SLCO4A1: variants seen among roughly 807,000 people sequenced by gnomAD.
The protein encoded by SLCO4A1 is colon organic anion transporter.
A neutral mutation model predicts 64.6 loss-of-function variants in SLCO4A1; 51 were observed. That is an observed-to-expected ratio of 0.79 (90% CI 0.63 to 1.00). The LOEUF is 1.00. Ranked by LOEUF, SLCO4A1 falls within the 50% of genes least tolerant of loss-of-function variation. SLCO4A1 has a pLI of 0.00. For synonymous variants in SLCO4A1, 471 were observed against 444.9 expected, an observed-to-expected ratio of 1.06 and a Z score of -0.74; for missense variants, 919 against 980.5, an observed-to-expected ratio of 0.94 and a Z score of 0.84.
In SLCO4A1 at chr20:62,661,213, G is replaced by A; in HGVS notation, c.1121+38G>A. 6.9e-7 allele frequency: 1 copy of A among 1,443,074 alleles called. No homozygotes were observed. The highest frequency in any genetic ancestry group is 9.8e-7 in the Non-Finnish European group (1 of 1,025,384). The allele number at this position is 1,443,074 out of a possible 1,614,324, so 89.4% of individuals were successfully genotyped here. On this transcript the variant is annotated intron_variant, in intron 5 of 11. Coordinates refer to ENST00000217159, the MANE Select transcript of SLCO4A1 (RefSeq NM_016354.4). The surrounding 1 kb of genome is among the most constrained non-coding windows in gnomAD (Gnocchi z 5.2). ...GTCGGGAGGGTTCCTAGTGTCCTCA[G>A]ACCCTTTAATGGTCCCCATCTTGGG...
intron 5 of SLCO4A1, among the ~76,000 whole-genome samples, chr20:62,664,392 T>G (rs928511348): frequency 6.6e-6 from 1 of 152,300 alleles, no homozygotes; most frequent in Non-Finnish European, 1.5e-5. Flanking sequence ...GGTTGGGGAC[T>G]GGCCACAGTC....
At chr20:62,677,565 G>A (rs1489242100) in intron 2 of SLCO4A1, among the ~76,000 whole-genome samples, 1 of 152,136 alleles carries the variant, frequency 6.6e-6, no homozygotes, top group Non-Finnish European at 1.5e-5. Context: ...CAACCCCACT[G>A]AGCAGAGGAT....
intron 1 of SLCO4A1, among the ~76,000 whole-genome samples, chr20:62,653,322 G>A (rs957585303): frequency 1.7e-4 from 26 of 152,156 alleles, no homozygotes; most frequent in African/African-American, 5.6e-4. Context: ...TGCTGGTACC[G>A]CCAGATCTCT....
chr20:62,675,020 G>A (rs900926325), downstream of SLCO4A1, among the ~76,000 whole-genome samples: 23 of 152,290 alleles, frequency 1.5e-4, no homozygotes, highest in Non-Finnish European at 2.9e-4. Flanking sequence ...TCCGGTCTGG[G>A]GGCTCCAAGG....
intron 5 of SLCO4A1, among the ~76,000 whole-genome samples, chr20:62,663,779 G>A (rs747394112): frequency 5.3e-5 from 8 of 152,204 alleles, no homozygotes; most frequent in Non-Finnish European, 1.2e-4. Flanking sequence ...CCCAGTCTGG[G>A]TGATCTGTGT....
rs1273945451 is a variant in SLCO4A1 at position 62,664,604 on chromosome 20, C to T, written c.1122-330C>T. Among the ~76,000 whole-genome samples the T allele has an allele frequency of 3.3e-5, 5 of 152,318 alleles. No individual in the cohort carries two copies. The East Asian group carries it at 7.7e-4, about 24-fold the overall frequency. On this transcript the variant is annotated intron_variant, in intron 5 of 11. Coordinates refer to ENST00000217159, the MANE Select transcript of SLCO4A1 (RefSeq NM_016354.4). ...GATAAGGTTTTTCCCTAATCAGGGACTGCAGCTTTCAGGACAAGTGGGCCA... is the reference window on the plus strand; with the variant it reads ...GATAAGGTTTTTCCCTAATCAGGGATTGCAGCTTTCAGGACAAGTGGGCCA...
chr20:62,673,750 C>CT (rs1987445208), downstream of SLCO4A1, among the ~76,000 whole-genome samples: 6 of 151,660 alleles, frequency 4.0e-5, no homozygotes, highest in African/African-American at 4.8e-5. Flanking sequence ...CCAAGGGCCA[C>CT]GTGAGCCAAC....
downstream of SLCO4A1, among the ~76,000 whole-genome samples, chr20:62,687,948 G>A (rs112179186): frequency 4.6e-5 from 7 of 152,024 alleles, no homozygotes; most frequent in Admixed American, 6.6e-5. Context: ...CTAGTGCCGC[G>A]CTGCAGCCAC....
intron 3 of SLCO4A1, 23 bp downstream of exon 3, chr20:62,658,790 G>A (rs772881884): frequency 4.5e-5 from 71 of 1,561,526 alleles, no homozygotes; most frequent in Middle Eastern, 3.3e-4. Flanking sequence ...GCACCCAGCT[G>A]CCTGCGCTGG....
rs1985788461 is a variant in SLCO4A1 at position 62,664,854 on chromosome 20, C to T, written c.1122-80C>T. On this transcript the variant is annotated intron_variant, in intron 5 of 11. Transcript: ENST00000217159. ...CCGACCTCTGCCCACCACTCTGACC[C>T]TCAGTCTCTTCTCCACACCCCGACC... The T allele has an allele frequency of 1.4e-5, 19 of 1,385,278 alleles. No homozygotes were observed. In the South Asian group the frequency reaches 2.4e-4, roughly 18 times the overall value. The allele number at this position is 1,385,278 out of a possible 1,614,324, so 85.8% of individuals were successfully genotyped here.
At chr20:62,664,411 C>G (rs570182175) in intron 5 of SLCO4A1, among the ~76,000 whole-genome samples, 14 of 152,320 alleles carry the variant, frequency 9.2e-5, no homozygotes, top group Admixed American at 7.8e-4. Context: ...TCCCCATTCC[C>G]GTGATTCCAT....
intron 9 of SLCO4A1, 88 bp downstream of exon 9, chr20:62,668,272 C>A: frequency 6.8e-7 from 1 of 1,462,488 alleles, no homozygotes. Flanking sequence ...CAGGAGCACT[C>A]CAGGAAACAC....
intron 1 of SLCO4A1, among the ~76,000 whole-genome samples, chr20:62,646,893 G>A (rs919528017): frequency 4.6e-5 from 7 of 152,224 alleles, no homozygotes; most frequent in African/African-American, 1.7e-4. Context: ...ACACACCCGT[G>A]GCTTCACCCG....
intron 3 of SLCO4A1, among the ~76,000 whole-genome samples, chr20:62,659,754 C>G (rs892647673): frequency 9.2e-5 from 14 of 152,250 alleles, no homozygotes; most frequent in Non-Finnish European, 2.1e-4. Flanking sequence ...CTGTCTGTCT[C>G]TGCGGCTCTG....
chr20:62,653,253 G>A (rs577319617), intron 1 of SLCO4A1, among the ~76,000 whole-genome samples: 1 of 152,324 alleles, frequency 6.6e-6, no homozygotes, highest in South Asian at 2.1e-4. Flanking sequence ...GTGGCGGGAG[G>A]ACCCAGAGCC....
downstream of SLCO4A1, among the ~76,000 whole-genome samples, chr20:62,687,846 C>T (rs917764911): frequency 2.6e-5 from 4 of 152,120 alleles, no homozygotes; most frequent in African/African-American, 9.7e-5. Context: ...ACCTGCCTTC[C>T]GAGCCTCAGG....
intron 1 of SLCO4A1, chr20:62,643,055 T>A (rs1980680966): frequency 2.1e-6 from 1 of 469,150 alleles, no homozygotes; most frequent in Non-Finnish European, 4.4e-6. Flanking sequence ...GAAACCTTCA[T>A]GCACGGAAGT....
Position 62,661,050 on chromosome 20 carries a change from C to T in SLCO4A1, c.1010-14C>T. 1 of 1,532,206 alleles carries T rather than the reference C, an allele frequency of 6.5e-7. No individual in the cohort carries two copies. The highest frequency in any genetic ancestry group is 8.9e-7 in the Non-Finnish European group (1 of 1,123,768). The allele number at this position is 1,532,206 out of a possible 1,614,324, so 94.9% of individuals were successfully genotyped here. A position where few individuals can be genotyped will look rare whatever the true frequency, so the allele number is the denominator to read the frequency against. ...CCCCAGCCCCCAGCCCCAGCTCACT[C>T]TGTGCCCTTCCAGGCTCCCAGCGCT... On this transcript the variant is annotated splice_polypyrimidine_tract_variant and intron_variant, in intron 4 of 11. Coordinates refer to ENST00000217159, the MANE Select transcript of SLCO4A1 (RefSeq NM_016354.4). This position sits in a 1 kb window ranked among gnomAD's most constrained non-coding sequence, Gnocchi z 5.2.
At chr20:62,682,585 C>T (rs1422530563) in intron 2 of SLCO4A1, among the ~76,000 whole-genome samples, 1 of 152,108 alleles carries the variant, frequency 6.6e-6, no homozygotes, top group African/African-American at 2.4e-5. Flanking sequence ...AAATCTGGGG[C>T]ACCTGCCAAA....
Sources: gnomAD v4.1 joint callset for allele counts (sites outside exome capture counted in the v4.1 genomes callset) on GRCh38, gnomAD v4.1.1 for gene constraint, Gnocchi (gnomAD v3.1) non-coding constraint, MANE v1.5 for transcripts, NCBI Gene and HGNC (gene_info 2026-07-23, HGNC 2026-07-21) for gene names.